The following VPS13C variants were observed in gnomAD, a reference collection of about 807,000 sequenced individuals.
The protein encoded by VPS13C is intermembrane lipid transfer protein VPS13C.
A neutral mutation model predicts 456.8 loss-of-function variants in VPS13C; 358 were observed. The observed-to-expected ratio is 0.78, with a 90% CI of 0.72 to 0.86. The LOEUF (loss-of-function observed/expected upper bound fraction) is 0.86, where lower values mean the gene tolerates loss of function less well. Among genes scored for constraint, VPS13C ranks in the 40% least tolerant of loss-of-function variants. VPS13C has a pLI of 0.00. For synonymous variants in VPS13C, 1,578 were observed against 1,486.7 expected, an observed-to-expected ratio of 1.06 and a Z score of -1.41; for missense variants, 4,818 against 4,385.4, an observed-to-expected ratio of 1.10 and a Z score of -2.79.
chr15:61,909,179 C>G, intron 64 of VPS13C, 54 bp from the exon 65 acceptor site: 1 of 1,587,866 alleles, frequency 6.3e-7, no homozygotes, highest in Non-Finnish European at 8.6e-7. Context: ...TCTACACTTA[C>G]ATATGGAATT....
chr15:62,017,066 T>C (rs2047278524), intron 9 of VPS13C, among the ~76,000 whole-genome samples: 1 of 152,208 alleles, frequency 6.6e-6, no homozygotes, highest in Non-Finnish European at 1.5e-5. Flanking sequence ...TGCATAAATG[T>C]CTTCTTTTGA....
chr15:61,942,001 T>C lies in VPS13C; in HGVS notation c.5215A>G (p.Arg1739Gly). The stretch of plus-strand genomic sequence containing the variant: ...AAGTCTTTCATGCTGGAAGCAGCTC[T>C]TTCTGCAGCCTGGACTGTGGCTGTA... ...LSTATVQAAE[R>G]AASSMKDLAQ... Residue 1739 changes from arginine (R) to glycine (G), a missense_variant, in exon 46 of 85, where the codon AGA (arginine) becomes GGA (glycine). Physicochemically the swap from Arg to Gly is moderately radical, Grantham distance 125. This residue lies in a region of VPS13C where 4,552 missense variants were observed against 4,130.6 expected (regional missense o/e 1.10). Coordinates refer to ENST00000644861, the MANE Select transcript of VPS13C (RefSeq NM_020821.3). The C allele has an allele frequency of 6.2e-7, 1 of 1,614,020 alleles. No individual in the cohort carries two copies. The highest frequency in any genetic ancestry group is 1.1e-5 in the South Asian group (1 of 91,074).
chr15:61,976,367 T>C (rs1171957909), intron 24 of VPS13C, among the ~76,000 whole-genome samples: 1 of 152,102 alleles, frequency 6.6e-6, no homozygotes, highest in Non-Finnish European at 1.5e-5. Context: ...TTATGTTGAA[T>C]TAAAGATGTT....
chr15:61,919,826 T>A (rs1006435669), intron 57 of VPS13C, among the ~76,000 whole-genome samples: 2 of 147,704 alleles, frequency 1.4e-5, no homozygotes, highest in Non-Finnish European at 3.0e-5. Context: ...TATTTATATA[T>A]ATTATATAAT....
intron 19 of VPS13C, among the ~76,000 whole-genome samples, chr15:61,984,288 G>A (rs956767934): frequency 9.2e-5 from 14 of 152,094 alleles, no homozygotes; most frequent in Admixed American, 9.2e-4. Flanking sequence ...ACTGTTGTAT[G>A]AATAAAAGAT....
At chr15:62,052,346 G>C (rs1198082497) in intron 1 of VPS13C, among the ~76,000 whole-genome samples, 1 of 152,070 alleles carries the variant, frequency 6.6e-6, no homozygotes, top group African/African-American at 2.4e-5. Flanking sequence ...TTAAAGCAAA[G>C]CATGAATCAA....
At chr15:62,025,355 G>C (rs923908005) in intron 6 of VPS13C, among the ~76,000 whole-genome samples, 2 of 152,048 alleles carry the variant, frequency 1.3e-5, no homozygotes, top group Admixed American at 1.3e-4. Flanking sequence ...ACACAATCAG[G>C]ATAGTGCTAT....
rs2048962874 is a variant in VPS13C at position 62,060,350 on chromosome 15, C to A, written c.25G>T (p.Asp9Tyr). MVLESVVA[D>Y]LLNRFLGDYV... ...TCCCCCAGGAAGCGGTTCAGCAAGT[C>A]CGCGACCACCGACTCCAGCACCATG... Residue 9 changes from aspartate to tyrosine, a missense_variant, in exon 1 of 85, where the codon GAC becomes TAC. By Grantham distance (160) the Asp-to-Tyr change is radical. Around this residue, in one of 3 missense-constraint regions of VPS13C, gnomAD observed 4,552 missense variants for 4,130.6 expected, o/e 1.10. Coordinates refer to ENST00000644861, the MANE Select transcript of VPS13C (RefSeq NM_020821.3). 1.9e-6 allele frequency: 3 copies of A among 1,602,636 alleles called. No homozygotes were observed. The highest frequency in any genetic ancestry group is 2.6e-6 in the Non-Finnish European group (3 of 1,174,684).
intron 1 of VPS13C, among the ~76,000 whole-genome samples, chr15:62,057,703 A>G (rs976204435): frequency 3.3e-5 from 5 of 152,252 alleles, no homozygotes; most frequent in African/African-American, 7.2e-5. Flanking sequence ...CTAAAAATTT[A>G]AAAATGAGAT....
intron 66 of VPS13C, among the ~76,000 whole-genome samples, chr15:61,904,707 T>A (rs2043104347): frequency 6.6e-6 from 1 of 152,072 alleles, no homozygotes; most frequent in South Asian, 2.1e-4. Context: ...CTATTCACAA[T>A]AGCTAAGATA....
At position 61,951,942 on chromosome 15, in the gene VPS13C, T is replaced by C. The variant is rs1214838756; in HGVS notation, c.4338A>G (p.Gly1446=). 5 of 1,613,280 alleles carry C rather than the reference T, an allele frequency of 3.1e-6. No individual in the cohort carries two copies. The Admixed American group carries it at 8.3e-5, about 27-fold the overall frequency. ...VTLMKKSEKK[G]RPLHELNVLQ... Reference sequence around the variant, plus strand: ...GGACATTTAGCTCATGTAAAGGCCTTCCTTTCTTTTCTGATTTTTTCATCA... The same window carrying C: ...GGACATTTAGCTCATGTAAAGGCCTCCCTTTCTTTTCTGATTTTTTCATCA... Residue 1446 remains glycine, a synonymous_variant, in exon 39 of 85, where the codon GGA becomes GGG. Coordinates refer to ENST00000644861, the MANE Select transcript of VPS13C (RefSeq NM_020821.3).
intron 66 of VPS13C, among the ~76,000 whole-genome samples, chr15:61,900,367 C>T (rs1462321731): frequency 8.5e-5 from 13 of 152,296 alleles, no homozygotes; most frequent in Middle Eastern, 3.4e-3. Flanking sequence ...GAAAACCCCA[C>T]CGTCTCAGCC....
intron 65 of VPS13C, among the ~76,000 whole-genome samples, chr15:61,907,947 G>T (rs1454790825): frequency 6.6e-6 from 1 of 152,038 alleles, no homozygotes; most frequent in Non-Finnish European, 1.5e-5. Context: ...CAATACTTAA[G>T]ATATATTATG....
At chr15:62,059,753 T>C (rs1026869262) in intron 1 of VPS13C, among the ~76,000 whole-genome samples, 5 of 152,220 alleles carry the variant, frequency 3.3e-5, no homozygotes, top group Non-Finnish European at 7.3e-5. Flanking sequence ...AAAGATCTCC[T>C]GCCCGTTCCT....
intron 82 of VPS13C, among the ~76,000 whole-genome samples, chr15:61,859,826 T>A (rs1894127517): frequency 6.6e-6 from 1 of 152,018 alleles, no homozygotes; most frequent in African/African-American, 2.4e-5. Flanking sequence ...GTATTTGTCA[T>A]ATGTTGATGG....
At chr15:61,870,479 G>A (rs1894939252) in intron 79 of VPS13C, among the ~76,000 whole-genome samples, 1 of 152,092 alleles carries the variant, frequency 6.6e-6, no homozygotes, top group Non-Finnish European at 1.5e-5. Flanking sequence ...TTTTATGACT[G>A]AGTACTACTC....
chr15:61,915,352 A>G (rs573343889), intron 61 of VPS13C, among the ~76,000 whole-genome samples: 4 of 152,228 alleles, frequency 2.6e-5, no homozygotes, highest in Admixed American at 6.5e-5. Context: ...GGTAAAGTAC[A>G]TAAATTCAAG....
chr15:61,903,405 A>G (rs969426205), intron 66 of VPS13C, among the ~76,000 whole-genome samples: 2 of 151,476 alleles, frequency 1.3e-5, no homozygotes, highest in African/African-American at 4.9e-5. Flanking sequence ...CAAGAAAGCA[A>G]TACCATTTAC....
chr15:62,037,694 A>G (rs912744509), intron 3 of VPS13C, among the ~76,000 whole-genome samples: 6 of 102,080 alleles, frequency 5.9e-5, no homozygotes, highest in African/African-American at 2.3e-4. Flanking sequence ...ACATGTGCAT[A>G]AATATTTCAA....
Sources: allele counts gnomAD v4.1 joint callset (sites outside exome capture counted in the v4.1 genomes callset), GRCh38; gene constraint gnomAD v4.1.1; regional missense constraint gnomAD v4.1.1; transcripts MANE v1.5; gene names NCBI Gene and HGNC (gene_info 2026-07-23, HGNC 2026-07-21).